The following RMDN1 variants were observed in gnomAD, a reference collection of about 807,000 sequenced individuals.
RMDN1 encodes regulator of microtubule dynamics protein 1.
Under a neutral mutation model 48.9 loss-of-function variants are expected in RMDN1, and 48 were observed. The observed-to-expected ratio is 0.98, with a 90% CI of 0.78 to 1.25. The LOEUF (loss-of-function observed/expected upper bound fraction) is 1.25, where lower values mean the gene tolerates loss of function less well. Ranked by LOEUF, RMDN1 falls within the 50% of genes most tolerant of loss-of-function variation. RMDN1 has a pLI of 0.00. For synonymous variants in RMDN1, 148 were observed against 132.6 expected (o/e 1.12, Z -0.80); for missense variants, 418 against 373.4 (o/e 1.12, Z -0.98).
intron 8 of RMDN1, among the ~76,000 whole-genome samples, chr8:86,476,725 T>C (rs1429981556): frequency 1.3e-5 from 2 of 152,178 alleles, no homozygotes; most frequent in Non-Finnish European, 2.9e-5. Flanking sequence ...CAGACAAGTC[T>C]CACTCTGTGG....
chr8:86,512,724 A>AGTAGGCAATCAGGAT (rs6150687), upstream of RMDN1, among the ~76,000 whole-genome samples: 40,354 of 152,102 alleles, frequency 0.27, 6,273 homozygotes, highest in East Asian at 0.53. Flanking sequence ...CAATGCACAT[A>AGTAGGCAATCAGGAT]GTGTTTGTTG....
At chr8:86,468,856 C>T (rs182880177), downstream of RMDN1, 144 of 384,630 alleles carry the variant, frequency 3.7e-4, no homozygotes, top group East Asian at 7.4e-3. Context: ...TATGGTCCCC[C>T]ACTCACCTTC....
At chr8:86,498,633 T>G (rs1191006435) in intron 2 of RMDN1, among the ~76,000 whole-genome samples, 1 of 150,586 alleles carries the variant, frequency 6.6e-6, no homozygotes, top group Non-Finnish European at 1.5e-5. Context: ...TACAAAAAAT[T>G]ACCCAGGCGT....
intron 1 of RMDN1, 91 bp from the exon 2 acceptor site, chr8:86,507,203 C>A (rs559668946): frequency 1.4e-6 from 1 of 738,724 alleles, no homozygotes; most frequent in South Asian, 1.7e-5. Flanking sequence ...TTCTCCCACC[C>A]CCAAAGCAAT....
chr8:86,512,561 C>T (rs1281264029), upstream of RMDN1, among the ~76,000 whole-genome samples: 3 of 152,214 alleles, frequency 2.0e-5, no homozygotes, highest in Non-Finnish European at 2.9e-5. Flanking sequence ...TAAGCTCACA[C>T]TATCCTCAAG....
downstream of RMDN1, among the ~76,000 whole-genome samples, chr8:86,470,566 T>G (rs960197769): frequency 6.6e-5 from 10 of 152,204 alleles, no homozygotes; most frequent in East Asian, 5.8e-4. Context: ...CCCAGAGAGA[T>G]AAAATCTATG....
At chr8:86,514,239 T>C in intron 1 of RMDN1, 1 of 984,696 alleles carries the variant, frequency 1.0e-6, no homozygotes, top group Non-Finnish European at 1.2e-6. Flanking sequence ...CCAAACCACT[T>C]ACCTTAAAGT....
rs201930138 is a variant in RMDN1 at position 86,480,251 on chromosome 8, T to C, written c.641+26A>G. ...TACAAAATATCACACTAAATACTAC[T>C]GAAATATTTAAAGAAATTTTCTTAC... On this transcript the variant is annotated intron_variant, in intron 6 of 9. Coordinates refer to ENST00000406452, the MANE Select transcript of RMDN1 (RefSeq NM_016033.3). 13 of 1,278,836 alleles carry C rather than the reference T, an allele frequency of 1.0e-5. No homozygotes were observed. The East Asian group carries it at 3.2e-4, about 31-fold the overall frequency. 79.2% of individuals were successfully genotyped at this position (1,278,836 alleles called of 1,614,324 possible).
intron 5 of RMDN1, chr8:86,483,073 A>G (rs1428819937): frequency 4.4e-6 from 2 of 452,938 alleles, no homozygotes; most frequent in Non-Finnish European, 7.8e-6. Context: ...CTTTCAAGCA[A>G]ACTCTTTTAT....
intron 2 of RMDN1, among the ~76,000 whole-genome samples, chr8:86,492,195 GAA>G (rs1305957935): frequency 6.6e-6 from 1 of 152,014 alleles, no homozygotes; most frequent in Non-Finnish European, 1.5e-5. Flanking sequence ...AAACAGAAAA[GAA>G]ATTTTAAAAA....
At chr8:86,499,809 C>T (rs954279043) in intron 2 of RMDN1, among the ~76,000 whole-genome samples, 53 of 152,226 alleles carry the variant, frequency 3.5e-4, no homozygotes, top group African/African-American at 1.2e-3. Context: ...AGACAGTAAC[C>T]CAAACGGCAT....
At chr8:86,506,889 A>AT in intron 2 of RMDN1, 106 bp downstream of exon 2, 1 of 645,408 alleles carries the variant, frequency 1.5e-6, no homozygotes, top group Non-Finnish European at 2.8e-6. Context: ...TTCCATATGG[A>AT]TTTTCTATTA....
intron 2 of RMDN1, among the ~76,000 whole-genome samples, chr8:86,502,605 C>A (rs887965457): frequency 6.6e-6 from 1 of 152,104 alleles, no homozygotes; most frequent in South Asian, 2.1e-4. Flanking sequence ...ATGGATTTTT[C>A]TTTTTTTCGC....
At chr8:86,486,877 C>T (rs932668267) in intron 3 of RMDN1, among the ~76,000 whole-genome samples, 8 of 151,958 alleles carry the variant, frequency 5.3e-5, no homozygotes, top group African/African-American at 1.9e-4. Flanking sequence ...CCTCTAGTAT[C>T]TAAAATACTT....
At chr8:86,508,272 G>C in intron 1 of RMDN1, 1 of 478,580 alleles carries the variant, frequency 2.1e-6, no homozygotes, top group Non-Finnish European at 3.6e-6. Context: ...GGGCGCGTGG[G>C]GGCAAACCCC....
At chr8:86,477,617 C>G (rs1205044435) in intron 7 of RMDN1, among the ~76,000 whole-genome samples, 1 of 152,134 alleles carries the variant, frequency 6.6e-6, no homozygotes, top group African/African-American at 2.4e-5. Flanking sequence ...ACGTGTAACT[C>G]AGCTATTTTG....
intron 2 of RMDN1, chr8:86,504,251 A>C: frequency 6.4e-7 from 1 of 1,566,922 alleles, no homozygotes; most frequent in Non-Finnish European, 8.8e-7. Flanking sequence ...GAGAATGCTA[A>C]GTAGATCCTC....
At chr8:86,482,532 C>G in intron 5 of RMDN1, 1 of 711,146 alleles carries the variant, frequency 1.4e-6, no homozygotes, top group Admixed American at 1.8e-5. Flanking sequence ...CATAGTATCA[C>G]TAAGTGAATG....
At chr8:86,471,515 C>T (rs975706450), downstream of RMDN1, among the ~76,000 whole-genome samples, 14 of 152,060 alleles carry the variant, frequency 9.2e-5, no homozygotes, top group African/African-American at 2.9e-4. Context: ...CTTAAAAACT[C>T]AGAACTGGAC....
Sources: allele counts gnomAD v4.1 joint callset (sites outside exome capture counted in the v4.1 genomes callset), GRCh38; gene constraint gnomAD v4.1.1; transcripts MANE v1.5; gene names NCBI Gene and HGNC (gene_info 2026-07-23, HGNC 2026-07-21).